CELSR1: variants seen among roughly 807,000 people sequenced by gnomAD.
The protein encoded by CELSR1 is cadherin EGF LAG seven-pass G-type receptor 1, also known as adhesion G protein-coupled receptor C1.
Under a neutral mutation model 249.1 loss-of-function variants are expected in CELSR1, and 110 were observed. The ratio of observed to expected loss-of-function variants is 0.44; its 90% confidence interval spans 0.38 to 0.52. The LOEUF is 0.52. Ranked by LOEUF, CELSR1 falls within the 20% of genes least tolerant of loss-of-function variation. The pLI, the probability that CELSR1 is intolerant of heterozygous loss-of-function variation, is 0.00. For synonymous variants in CELSR1, 2,113 were observed against 1,900.0 expected, an observed-to-expected ratio of 1.11 and a Z score of -2.92; for missense variants, 4,109 against 4,296.4, an observed-to-expected ratio of 0.96 and a Z score of 1.22.
chr22:46,386,073 G>A (rs995916193), intron 19 of CELSR1, among the ~76,000 whole-genome samples: 2 of 150,888 alleles, frequency 1.3e-5, no homozygotes, highest in African/African-American at 2.5e-5. Context: ...AGGTTCAAGT[G>A]ATTCTCCTTC....
intron 2 of CELSR1, among the ~76,000 whole-genome samples, 173 bp from the exon 3 acceptor site, chr22:46,439,584 G>C (rs1181860657): frequency 6.6e-6 from 1 of 152,176 alleles, no homozygotes. Context: ...GAGTTCTCAA[G>C]GACTTGCCCA....
At chr22:46,449,140 CCACTCACCCAGCTTCCAAG>C (rs897958652) in intron 2 of CELSR1, among the ~76,000 whole-genome samples, 12 of 142,598 alleles carry the variant, frequency 8.4e-5, no homozygotes, top group African/African-American at 2.7e-4. Flanking sequence ...CAGCTTCCAT[CCACTCACCCAGCTTCCAAG>C]CACTCACCCA....
chr22:46,365,459 G>A (rs2078758342), intron 31 of CELSR1, 79 bp from the exon 32 acceptor site: 12 of 1,577,758 alleles, frequency 7.6e-6, no homozygotes, highest in Non-Finnish European at 1.0e-5. Flanking sequence ...AGAGCCACTG[G>A]GCCCCTGGCA....
Position 46,399,875 on chromosome 22 carries a change from C to T in CELSR1, c.5254G>A (p.Val1752Met), listed in dbSNP as rs2079192746. The part of the protein sequence containing the change: ...QILNNYLQFE[V>M]SHGPSDVESV... ...TCCACATCGGAGGGGCCGTGGGACA[C>T]CTCAAACTGGAGGTAGTTGTTCAGG... The change falls in exon 10 of 35, where the codon GTG (valine) becomes ATG (methionine). Residue 1752 changes from valine to methionine, a missense_variant. Physicochemically the swap from Val to Met is conservative, Grantham distance 21. Transcript: ENST00000674500. The surrounding 1 kb of genome is among the most constrained non-coding windows in gnomAD (Gnocchi z 5.0). The T allele has an allele frequency of 5.0e-6, 8 of 1,614,108 alleles. No individual in the cohort carries two copies. The highest frequency in any genetic ancestry group is 5.9e-6 in the Non-Finnish European group (7 of 1,179,990).
In CELSR1 at chr22:46,364,224, G is replaced by A. The variant is rs201509338; in HGVS notation, c.8807C>T (p.Pro2936Leu). 5.7e-5 allele frequency: 92 copies of A among 1,610,278 alleles called. No individual in the cohort carries two copies. The highest frequency in any genetic ancestry group is 1.7e-4 in the Middle Eastern group (1 of 6,058). The change falls in exon 34 of 35, where the codon CCG becomes CTG. Residue 2936 changes from proline to leucine, a missense_variant. Transcript: ENST00000674500. Reference sequence around the variant, plus strand: ...CTGCTCCGTCAGCGTCAGCGGCGGCGGGTAGGTGACTTTATTTTTCAAGAT... The same window carrying A: ...CTGCTCCGTCAGCGTCAGCGGCGGCAGGTAGGTGACTTTATTTTTCAAGAT... ...KGILKNKVTY[P>L]PPLTLTEQTL...
Position 46,500,551 on chromosome 22 carries a change from AG to A in CELSR1, c.3544+33075del, listed in dbSNP as rs2080456244. ...CACTGGGAGCTCTGGGAGCTTCCAA[AG>A]GGGGCGTCAATGACACCCATAACTT... On this transcript the variant is annotated intron_variant, in intron 1 of 34. Coordinates refer to ENST00000674500, the MANE Select transcript of CELSR1 (RefSeq NM_001378328.1). This position sits in a 1 kb window ranked among gnomAD's most constrained non-coding sequence, Gnocchi z 4.9. 6.6e-6 allele frequency among the ~76,000 whole-genome samples: 1 copy of A among 152,148 alleles called. No individual in the cohort carries two copies. Among genetic ancestry groups the A allele is most frequent in the Non-Finnish European group, 1.5e-5 (1 of 68,024 alleles).
rs372841068 is a variant in CELSR1 at position 46,398,725 on chromosome 22, A to G, written c.5413-88T>C. The G allele has an allele frequency of 3.5e-5, 37 of 1,043,024 alleles. No individual in the cohort carries two copies. Among genetic ancestry groups the G allele is most frequent in the Non-Finnish European group, 4.9e-5 (35 of 711,944 alleles). 64.6% of individuals were successfully genotyped at this position (1,043,024 alleles called of 1,614,324 possible). A position where few individuals can be genotyped will look rare whatever the true frequency, so the allele number is the denominator to read the frequency against. ...GATGGGAAGGATACACTGGAAGTCT[A>G]AACAGTCACTTCAACAAACTCCGCA... On this transcript the variant is annotated intron_variant, in intron 10 of 34. Coordinates refer to ENST00000674500, the MANE Select transcript of CELSR1 (RefSeq NM_001378328.1). The surrounding 1 kb of genome is among the most constrained non-coding windows in gnomAD (Gnocchi z 7.2).
rs190036739 is a variant in CELSR1 at position 46,388,995 on chromosome 22, G to A, written c.6555+295C>T. Among the ~76,000 whole-genome samples the A allele has an allele frequency of 1.1e-3, 164 of 152,374 alleles. 1 individual carries two copies. In the Middle Eastern group the frequency reaches 0.017, roughly 16 times the overall value. On this transcript the variant is annotated intron_variant, in intron 18 of 34. Transcript: ENST00000674500. Reference sequence around the variant, plus strand: ...CTGCATGGAAGGGAGAGGGGCTGATGCAGGTGGGCCACTTAGAATCCCTTA... The same window carrying A: ...CTGCATGGAAGGGAGAGGGGCTGATACAGGTGGGCCACTTAGAATCCCTTA...
Position 46,380,783 on chromosome 22 carries a change from C to G in CELSR1, c.7256+5G>C. ...CTCACATGGGGCTCCTGGCGTCACACTTACGCCAGGGAGTGGTTCCAGAAC... is the reference window on the plus strand; with the variant it reads ...CTCACATGGGGCTCCTGGCGTCACAGTTACGCCAGGGAGTGGTTCCAGAAC... On this transcript the variant is annotated splice_donor_5th_base_variant and intron_variant, in intron 22 of 34. Coordinates refer to ENST00000674500, the MANE Select transcript of CELSR1 (RefSeq NM_001378328.1). This position sits in a 1 kb window ranked among gnomAD's most constrained non-coding sequence, Gnocchi z 5.1. The G allele has an allele frequency of 6.2e-7, 1 of 1,611,680 alleles. No individual in the cohort carries two copies.
rs1295357900 is a variant in CELSR1, at chr22:46,481,496, T to C, written c.3545-17151A>G. The C allele has an allele frequency of 2.6e-6, 4 of 1,551,348 alleles. No individual in the cohort carries two copies. In the Admixed American group the frequency reaches 5.6e-5, roughly 22 times the overall value. On this transcript the variant is annotated intron_variant, in intron 1 of 34. Coordinates refer to ENST00000674500, the MANE Select transcript of CELSR1 (RefSeq NM_001378328.1). ...TTGGCTTTGTCGTTGCAATGCGTGG[T>C]GCACCGGACCAGGTGGTCCTGGAAC...
chr22:46,361,330 C>A lies in CELSR1; in HGVS notation c.*1893G>T, dbSNP rs139208308. On this transcript the variant is annotated 3_prime_UTR_variant, in exon 35 of 35. Transcript: ENST00000674500. ...AAATAGGTTTACATTTTTCCCATCT[C>A]AATAAAACTGACAGTTGTTTTTTGG... 1.3e-5 allele frequency: 2 copies of A among 152,476 alleles called. No individual in the cohort carries two copies. Among genetic ancestry groups the A allele is most frequent in the African/African-American group, 4.8e-5 (2 of 41,416 alleles). The allele number at this position is 152,476 out of a possible 1,614,324, so 9.4% of individuals were successfully genotyped here.
intron 2 of CELSR1, among the ~76,000 whole-genome samples, chr22:46,439,934 A>C (rs1481415705): frequency 7.0e-6 from 1 of 142,274 alleles, no homozygotes; most frequent in Non-Finnish European, 1.5e-5. Flanking sequence ...CCGCCCTCCC[A>C]CCCCTCACAC....
Position 46,411,533 on chromosome 22 carries a change from T to C in CELSR1, c.4769+69A>G. Reference sequence around the variant, plus strand: ...AGAGTGCCTACGTGGGGCCCTGCCCTGGGAAGGCCGCAGGGTGAGCATGTT... The same window carrying C: ...AGAGTGCCTACGTGGGGCCCTGCCCCGGGAAGGCCGCAGGGTGAGCATGTT... On this transcript the variant is annotated intron_variant, in intron 6 of 34. Coordinates refer to ENST00000674500, the MANE Select transcript of CELSR1 (RefSeq NM_001378328.1). The surrounding 1 kb of genome is among the most constrained non-coding windows in gnomAD (Gnocchi z 4.2). The C allele has an allele frequency of 6.3e-7, 1 of 1,582,474 alleles. No homozygotes were observed. Among genetic ancestry groups the C allele is most frequent in the Non-Finnish European group, 8.6e-7 (1 of 1,161,870 alleles).
intron 1 of CELSR1, among the ~76,000 whole-genome samples, chr22:46,507,036 A>G (rs1265339500): frequency 6.6e-6 from 1 of 152,168 alleles, no homozygotes; most frequent in Non-Finnish European, 1.5e-5. Context: ...AAATACAAAA[A>G]TTAGCCAGGT....
In CELSR1 at chr22:46,366,404, G is replaced by A. The variant is rs144039991; in HGVS notation, c.8282C>T (p.Ser2761Leu). 3.2e-3 allele frequency: 5,029 copies of A among 1,549,568 alleles called. 6 individuals carry two copies. Among genetic ancestry groups the A allele is most frequent in the Non-Finnish European group, 3.6e-3 (4,171 of 1,146,400 alleles). ...GCCTGACCTGACGATGCTGTCCAGC[G>A]AGGCGGTGGACTCGCCCAAGTCTGT... ...LRTDLGESTA[S>L]LDSIVRDEGI... Residue 2761 changes from serine (S) to leucine (L), a missense_variant, in exon 30 of 35, where the codon TCG (serine) becomes TTG (leucine). Coordinates refer to ENST00000674500, the MANE Select transcript of CELSR1 (RefSeq NM_001378328.1).
intron 2 of CELSR1, among the ~76,000 whole-genome samples, chr22:46,460,765 C>A (rs540968311): frequency 6.6e-6 from 1 of 152,282 alleles, no homozygotes; most frequent in African/African-American, 2.4e-5. Flanking sequence ...ACCACAGTCC[C>A]AACGCCGTGA....
chr22:46,373,044 A>T lies in CELSR1; in HGVS notation c.7598T>A (p.Val2533Glu). ...GATGTAGTGGAGGAGGATGGCAACC[A>T]CTGTGCACAGAAACTGCGCAGGGAG... ...NQTENPFLCT[V>E]VAILLHYIYM... Residue 2533 changes from valine (V) to glutamate (E), a missense_variant, in exon 25 of 35, where the codon GTG becomes GAG. Around this residue, in one of 7 missense-constraint regions of CELSR1, gnomAD observed 1,805 missense variants for 1,831.6 expected, o/e 0.99. Transcript: ENST00000674500. The T allele has an allele frequency of 6.2e-7, 1 of 1,608,026 alleles. No individual in the cohort carries two copies. The highest frequency in any genetic ancestry group is 8.5e-7 in the Non-Finnish European group (1 of 1,177,158).
rs1476614872 is a variant in CELSR1, at chr22:46,407,897, C to T, written c.5226+1099G>A. Among the ~76,000 whole-genome samples the T allele has an allele frequency of 5.3e-5, 8 of 152,190 alleles. No individual in the cohort carries two copies. The highest frequency in any genetic ancestry group is 1.2e-4 in the Non-Finnish European group (8 of 68,034). On this transcript the variant is annotated intron_variant, in intron 9 of 34. Coordinates refer to ENST00000674500, the MANE Select transcript of CELSR1 (RefSeq NM_001378328.1). The surrounding 1 kb of genome is among the most constrained non-coding windows in gnomAD (Gnocchi z 4.8). ...TTTACAGGAGAGCGCCCGTGCCCCG[C>T]CATCACTACAGACGAGAATGACCTT...
intron 1 of CELSR1, among the ~76,000 whole-genome samples, chr22:46,533,340 G>A (rs1254139587): frequency 6.6e-6 from 1 of 152,232 alleles, no homozygotes; most frequent in East Asian, 1.9e-4. Flanking sequence ...GTACTCAGGA[G>A]CCACTAGCCT....
Sources: allele counts gnomAD v4.1 joint callset (sites outside exome capture counted in the v4.1 genomes callset), GRCh38; gene constraint gnomAD v4.1.1; regional missense constraint gnomAD v4.1.1; non-coding constraint Gnocchi (gnomAD v3.1); transcripts MANE v1.5; gene names NCBI Gene and HGNC (gene_info 2026-07-23, HGNC 2026-07-21).